Variants in EYS observed in about 807,000 individuals in gnomAD.
EYS encodes EGF-like photoreceptor maintenance factor, also known as protein eyes shut homolog.
EYS carries 250 observed loss-of-function variants against 282.1 expected under a neutral mutation model. The observed-to-expected ratio is 0.89, with a 90% confidence interval of 0.80 to 0.98. The LOEUF (loss-of-function observed/expected upper bound fraction) is 0.98, where lower values mean the gene tolerates loss of function less well. Ranked by LOEUF, EYS falls within the 50% of genes least tolerant of loss-of-function variation. EYS has a pLI of 0.00. For missense variants in EYS, 4,016 were observed against 3,709.0 expected (o/e 1.08, Z -2.15); for synonymous variants, 1,355 against 1,282.9 (o/e 1.06, Z -1.20).
chr6:65,169,905 A>G (rs1765064701), intron 12 of EYS, among the ~76,000 whole-genome samples: 1 of 151,524 alleles, frequency 6.6e-6, no homozygotes, highest in Non-Finnish European at 1.5e-5. Flanking sequence ...GAAACACACT[A>G]AGCTCTAGCA....
chr6:65,059,347 G>A (rs1402081595), intron 12 of EYS, among the ~76,000 whole-genome samples: 1 of 151,998 alleles, frequency 6.6e-6, no homozygotes, highest in Non-Finnish European at 1.5e-5. Context: ...TTTAAGAGCT[G>A]GGGTAAGAGA....
At chr6:64,241,257 C>T (rs566404391) in intron 30 of EYS, among the ~76,000 whole-genome samples, 1 of 152,244 alleles carries the variant, frequency 6.6e-6, no homozygotes, top group South Asian at 2.1e-4. Context: ...ATGCTGGCCT[C>T]ATAAACGAGT....
At chr6:64,452,279 T>C (rs1775379603) in intron 26 of EYS, among the ~76,000 whole-genome samples, 1 of 151,850 alleles carries the variant, frequency 6.6e-6, no homozygotes, top group African/African-American at 2.4e-5. Flanking sequence ...GAGAATAAAA[T>C]ACCTAGGAAT....
intron 13 of EYS, among the ~76,000 whole-genome samples, chr6:65,046,949 G>A (rs1408864753): frequency 2.0e-5 from 3 of 151,616 alleles, no homozygotes; most frequent in Non-Finnish European, 2.9e-5. Flanking sequence ...TGGCACCTTC[G>A]CCCCTGCCCC....
intron 11 of EYS, among the ~76,000 whole-genome samples, chr6:65,300,188 T>C (rs960196401): frequency 2.6e-5 from 4 of 152,290 alleles, no homozygotes; most frequent in African/African-American, 9.6e-5. Context: ...TTTTTGTCCT[T>C]AGAAATGCCT....
At chr6:64,216,511 G>T (rs1478411929) in intron 31 of EYS, among the ~76,000 whole-genome samples, 1 of 152,146 alleles carries the variant, frequency 6.6e-6, no homozygotes, top group Non-Finnish European at 1.5e-5. Flanking sequence ...GGGATATATT[G>T]GTGTGGTGGA....
chr6:64,961,643 A>G (rs1769923596), intron 14 of EYS, among the ~76,000 whole-genome samples: 1 of 152,116 alleles, frequency 6.6e-6, no homozygotes, highest in Non-Finnish European at 1.5e-5. Flanking sequence ...GTACAATGGA[A>G]TAAGTCCAGA....
chr6:64,036,338 C>A (rs1439949851), intron 33 of EYS, among the ~76,000 whole-genome samples: 1 of 151,864 alleles, frequency 6.6e-6, no homozygotes. Context: ...TCATGGATGG[C>A]CTTAATAATC....
chr6:65,570,450 A>AC (rs1208832450), intron 2 of EYS, among the ~76,000 whole-genome samples: 1 of 152,128 alleles, frequency 6.6e-6, no homozygotes, highest in Non-Finnish European at 1.5e-5. Flanking sequence ...CTGCTGTGCC[A>AC]TTTTTCCCCT....
chr6:64,851,509 A>C (rs926928913), intron 19 of EYS, among the ~76,000 whole-genome samples: 2 of 152,120 alleles, frequency 1.3e-5, no homozygotes, highest in African/African-American at 4.8e-5. Context: ...GATGTTATTT[A>C]GATTAAATTG....
chr6:64,938,863 T>C (rs748824722), intron 15 of EYS, among the ~76,000 whole-genome samples: 38 of 151,726 alleles, frequency 2.5e-4, no homozygotes, highest in Non-Finnish European at 4.7e-4. Flanking sequence ...TGTAACCCTG[T>C]ATAGAGTTCG....
At chr6:65,545,508 CATAA>C (rs1239332903) in intron 2 of EYS, among the ~76,000 whole-genome samples, 1 of 151,942 alleles carries the variant, frequency 6.6e-6, no homozygotes, top group Non-Finnish European at 1.5e-5. Context: ...TCTTTCAACC[CATAA>C]ATGTCAATGA....
At chr6:64,218,545 G>A (rs1460839647) in intron 31 of EYS, among the ~76,000 whole-genome samples, 1 of 152,116 alleles carries the variant, frequency 6.6e-6, no homozygotes, top group East Asian at 1.9e-4. Flanking sequence ...CTCTACTTGA[G>A]TCCCTACTTG....
At chr6:63,974,694 G>T (rs1428489796) in intron 35 of EYS, among the ~76,000 whole-genome samples, 2 of 151,898 alleles carry the variant, frequency 1.3e-5, no homozygotes, top group African/African-American at 4.8e-5. Context: ...ACTCTTTGAG[G>T]CTTTTCAAAT....
chr6:65,155,083 A>G (rs554342012), intron 12 of EYS, among the ~76,000 whole-genome samples: 4 of 151,690 alleles, frequency 2.6e-5, no homozygotes, highest in African/African-American at 9.6e-5. Flanking sequence ...ATTACACATA[A>G]GCAAATGCAC....
At chr6:64,944,464 C>A (rs1259554519) in intron 15 of EYS, among the ~76,000 whole-genome samples, 3 of 151,952 alleles carry the variant, frequency 2.0e-5, no homozygotes, top group Admixed American at 1.3e-4. Flanking sequence ...GGAGTATTCT[C>A]CCAATGTGAT....
At chr6:63,748,723 A>G (rs747695609) in intron 41 of EYS, among the ~76,000 whole-genome samples, 7 of 152,020 alleles carry the variant, frequency 4.6e-5, no homozygotes, top group Non-Finnish European at 1.0e-4. Context: ...GGGTGGGTGT[A>G]TGTATCCAGG....
At chr6:64,619,291 C>T (rs557780667) in intron 23 of EYS, among the ~76,000 whole-genome samples, 3 of 152,174 alleles carry the variant, frequency 2.0e-5, no homozygotes, top group Admixed American at 2.0e-4. Flanking sequence ...CTGTGAAGAA[C>T]ATGATAAAGC....
intron 22 of EYS, among the ~76,000 whole-genome samples, chr6:64,646,792 G>A (rs1256414015): frequency 2.7e-5 from 4 of 150,152 alleles, no homozygotes; most frequent in African/African-American, 9.8e-5. Context: ...GCGACAGAGC[G>A]AGACTCCAGC....
Sources: allele counts gnomAD v4.1 joint callset (sites outside exome capture counted in the v4.1 genomes callset), GRCh38; gene constraint gnomAD v4.1.1; transcripts MANE v1.5; gene names NCBI Gene and HGNC (gene_info 2026-07-23, HGNC 2026-07-21).